Variants in ADGRA2 observed in about 807,000 individuals in gnomAD.
ADGRA2 encodes G-protein coupled receptor 124.
In ADGRA2, 61 loss-of-function variants were observed where a neutral mutation model predicts 98.7. The ratio of observed to expected loss-of-function variants is 0.62; its 90% CI spans 0.50 to 0.76. The LOEUF is 0.76. Ranked by LOEUF, ADGRA2 falls within the 30% of genes least tolerant of loss-of-function variation. The pLI is 0.00. For missense variants in ADGRA2, 1,712 were observed against 1,860.0 expected, an observed-to-expected ratio of 0.92 and a Z score of 1.46; for synonymous variants, 858 against 831.5, an observed-to-expected ratio of 1.03 and a Z score of -0.55.
chr8:37,838,868 G>A (rs949614409), intron 14 of ADGRA2, 88 bp from the exon 15 acceptor site: 1 of 1,464,350 alleles, frequency 6.8e-7, no homozygotes, highest in Admixed American at 2.3e-5. Context: ...CAGGACCAAG[G>A]CTGACGGGGC....
Position 37,822,246 on chromosome 8 carries a change from C to G in ADGRA2, c.339-6642C>G, listed in dbSNP as rs142023358. Among the ~76,000 whole-genome samples the G allele has an allele frequency of 4.0e-3, 615 of 152,216 alleles. 3 individuals are homozygous for G. Among genetic ancestry groups the G allele is most frequent in the African/African-American group, 0.014 (581 of 41,512 alleles). On this transcript the variant is annotated intron_variant, in intron 2 of 18. Coordinates refer to ENST00000412232, the MANE Select transcript of ADGRA2 (RefSeq NM_032777.10). ...AGCCAGCCCCCACTTTCTAGTGAAC[C>G]CTGGAAGTCTTGTAGGCCCAGGGAA...
At chr8:37,828,550 G>C (rs1196199257) in intron 2 of ADGRA2, among the ~76,000 whole-genome samples, 1 of 144,762 alleles carries the variant, frequency 6.9e-6, no homozygotes. Context: ...GCAGTGGCGC[G>C]ATCTTGGCTC....
At chr8:37,836,109 C>G (rs1805609892) in intron 13 of ADGRA2, among the ~76,000 whole-genome samples, 1 of 145,828 alleles carries the variant, frequency 6.9e-6, no homozygotes, top group Admixed American at 6.8e-5. Flanking sequence ...CCCACAGGCC[C>G]AATGCAGACA....
chr8:37,841,366 G>A lies in ADGRA2; in HGVS notation c.3028G>A (p.Asp1010Asn), dbSNP rs1225288397. Reference sequence around the variant, plus strand: ...GACGCCCGGGCCCCCGGAGGATGGTGACAGCCTCTATTCTCCGGGAGTCCA... The same window carrying A: ...GACGCCCGGGCCCCCGGAGGATGGTAACAGCCTCTATTCTCCGGGAGTCCA... ...VGTPGPPEDG[D>N]SLYSPGVQLG... Residue 1010 changes from aspartate to asparagine, a missense_variant, in exon 19 of 19, where the codon GAC (aspartate) becomes AAC (asparagine). Coordinates refer to ENST00000412232, the MANE Select transcript of ADGRA2 (RefSeq NM_032777.10). The surrounding 1 kb of genome is among the most constrained non-coding windows in gnomAD (Gnocchi z 5.0). 5.0e-6 allele frequency: 8 copies of A among 1,608,714 alleles called. No homozygotes were observed. Among genetic ancestry groups the A allele is most frequent in the Middle Eastern group, 1.6e-4 (1 of 6,074 alleles).
At chr8:37,812,212 T>G (rs1804854655) in intron 1 of ADGRA2, among the ~76,000 whole-genome samples, 1 of 152,048 alleles carries the variant, frequency 6.6e-6, no homozygotes. Flanking sequence ...GTTAAAGAAT[T>G]TGGGGTATTT....
intron 2 of ADGRA2, among the ~76,000 whole-genome samples, chr8:37,817,592 C>G (rs1028684176): frequency 1.4e-4 from 22 of 152,164 alleles, no homozygotes; most frequent in African/African-American, 5.3e-4. Context: ...ACCCATAGTT[C>G]CAGCTACTCA....
Position 37,833,726 on chromosome 8 carries a change from C to G in ADGRA2, c.1335C>G (p.His445Gln), listed in dbSNP as rs1371577295. The change falls in exon 10 of 19, where the codon CAC (histidine) becomes CAG (glutamine). Residue 445 changes from histidine to glutamine, a missense_variant. Coordinates refer to ENST00000412232, the MANE Select transcript of ADGRA2 (RefSeq NM_032777.10). ...CCTCCAATGCGCTGACCCTGGCTCACCAGCTGCGCGTGTACACAGCCGAGG... is the reference window on the plus strand; with the variant it reads ...CCTCCAATGCGCTGACCCTGGCTCAGCAGCTGCGCGTGTACACAGCCGAGG... ...INASNALTLA[H>Q]QLRVYTAEAA... The G allele has an allele frequency of 6.2e-7, 1 of 1,614,168 alleles. No individual in the cohort carries two copies. Among genetic ancestry groups the G allele is most frequent in the Admixed American group, 1.7e-5 (1 of 60,028 alleles).
chr8:37,807,878 C>CATGACTCTTCCCGCACATGT (rs1804722864), intron 1 of ADGRA2, among the ~76,000 whole-genome samples: 1 of 152,220 alleles, frequency 6.6e-6, no homozygotes, highest in African/African-American at 2.4e-5. Context: ...GGCTGACATG[C>CATGACTCTTCCCGCACATGT]ATGACTCTTC....
At position 37,843,178 on chromosome 8, in the gene ADGRA2, T is replaced by C. The variant is rs1223638531; in HGVS notation, c.*823T>C. The C allele has an allele frequency of 6.6e-6, 1 of 152,264 alleles. No individual in the cohort carries two copies. Among genetic ancestry groups the C allele is most frequent in the African/African-American group, 2.4e-5 (1 of 41,420 alleles). The allele number at this position is 152,264 out of a possible 1,614,324, so 9.4% of individuals were successfully genotyped here. A position where few individuals can be genotyped will look rare whatever the true frequency, so the allele number is the denominator to read the frequency against. ...GCAGAATCTAGTCATGCCCTAAAGC[T>C]AGTCCTGTAAACAATGGTGCCCCAG... is the stretch of plus-strand genomic sequence containing the variant. On this transcript the variant is annotated 3_prime_UTR_variant, in exon 19 of 19. Coordinates refer to ENST00000412232, the MANE Select transcript of ADGRA2 (RefSeq NM_032777.10).
At chr8:37,835,087 C>T in intron 11 of ADGRA2, 87 bp from the exon 12 acceptor site, 2 of 922,056 alleles carry the variant, frequency 2.2e-6, no homozygotes, top group Non-Finnish European at 3.5e-6. Flanking sequence ...AGGACTACAG[C>T]CTGAGCAGGC....
chr8:37,833,353 C>T, intron 9 of ADGRA2, 145 bp downstream of exon 9: 1 of 700,388 alleles, frequency 1.4e-6, no homozygotes. Context: ...GGAGCCGGCT[C>T]CTCTCCTCCA....
Position 37,842,538 on chromosome 8 carries a change from T to C in ADGRA2, c.*183T>C. ...ATCCCTCTGGGGTAGCGACAGACAA[T>C]CCCAGAAACACGCATAATACATTTC... On this transcript the variant is annotated 3_prime_UTR_variant, in exon 19 of 19. Transcript: ENST00000412232. 9.8e-7 allele frequency: 1 copy of C among 1,024,262 alleles called. No individual in the cohort carries two copies. The highest frequency in any genetic ancestry group is 1.3e-6 in the Non-Finnish European group (1 of 763,284). The allele number at this position is 1,024,262 out of a possible 1,614,324, so 63.4% of individuals were successfully genotyped here. A position where few individuals can be genotyped will look rare whatever the true frequency, so the allele number is the denominator to read the frequency against.
intron 2 of ADGRA2, among the ~76,000 whole-genome samples, chr8:37,818,977 G>A (rs1371572428): frequency 6.6e-6 from 1 of 152,164 alleles, no homozygotes; most frequent in Admixed American, 6.5e-5. Flanking sequence ...GGGAATGCCT[G>A]GGGAGTCTGA....
chr8:37,837,465 T>C (rs1258161703), intron 13 of ADGRA2, among the ~76,000 whole-genome samples: 1 of 151,622 alleles, frequency 6.6e-6, no homozygotes, highest in African/African-American at 2.4e-5. Flanking sequence ...CCATGGAGCA[T>C]GACATCACTG....
intron 1 of ADGRA2, among the ~76,000 whole-genome samples, chr8:37,800,952 C>T (rs1563335908): frequency 1.3e-5 from 2 of 152,114 alleles, no homozygotes; most frequent in African/African-American, 4.8e-5. Context: ...ATGGAAGACC[C>T]TTTTTTTCCT....
chr8:37,828,886 AG>A lies in ADGRA2; in HGVS notation c.340del. On this transcript the variant is annotated splice_acceptor_variant, in intron 2 of 18. Coordinates refer to ENST00000412232, the MANE Select transcript of ADGRA2 (RefSeq NM_032777.10). LOFTEE classifies it high-confidence loss of function. ...TGAGGGCCTCTGCACTTGCCTCTGCAGGGACCTGAGGAACAACATCATCAGC... is the reference window on the plus strand; with the variant it reads ...TGAGGGCCTCTGCACTTGCCTCTGCAGGACCTGAGGAACAACATCATCAGC... 6.3e-7 allele frequency: 1 copy of A among 1,598,496 alleles called. No individual in the cohort carries two copies. Among genetic ancestry groups the A allele is most frequent in the Non-Finnish European group, 8.5e-7 (1 of 1,173,460 alleles).
intron 18 of ADGRA2, 90 bp from the exon 19 acceptor site, chr8:37,840,996 C>A (rs543875767): frequency 1.5e-6 from 2 of 1,336,932 alleles, no homozygotes; most frequent in African/African-American, 2.9e-5. Flanking sequence ...TCTCCGTACT[C>A]ACCATATCCT....
chr8:37,816,438 C>T (rs1473969763), intron 2 of ADGRA2, among the ~76,000 whole-genome samples: 2 of 151,574 alleles, frequency 1.3e-5, no homozygotes, highest in Non-Finnish European at 2.9e-5. Context: ...ACTAAAAATA[C>T]AAAAATTAGC....
Position 37,814,287 on chromosome 8 carries a change from C to G in ADGRA2, c.267-609C>G, listed in dbSNP as rs1001200516. On this transcript the variant is annotated intron_variant, in intron 1 of 18. Transcript: ENST00000412232. This position sits in a 1 kb window ranked among gnomAD's most constrained non-coding sequence, Gnocchi z 4.3. Reference sequence around the variant, plus strand: ...AGGCTGAGGCTGAGGCCTGGCTTCCCCTACACTCGGGGCTCCATTGGCTTT... The same window carrying G: ...AGGCTGAGGCTGAGGCCTGGCTTCCGCTACACTCGGGGCTCCATTGGCTTT... 2.0e-5 allele frequency among the ~76,000 whole-genome samples: 3 copies of G among 152,206 alleles called. No individual in the cohort carries two copies. The highest frequency in any genetic ancestry group is 7.2e-5 in the African/African-American group (3 of 41,450).
Sources: gnomAD v4.1 joint callset for allele counts (sites outside exome capture counted in the v4.1 genomes callset) on GRCh38, gnomAD v4.1.1 for gene constraint, Gnocchi (gnomAD v3.1) non-coding constraint, MANE v1.5 for transcripts, NCBI Gene and HGNC (gene_info 2026-07-23, HGNC 2026-07-21) for gene names.